POLN: variants seen among roughly 807,000 people sequenced by gnomAD.
POLN encodes DNA polymerase nu.
In POLN, 108 loss-of-function variants were observed where a neutral mutation model predicts 113.5. That is an observed-to-expected ratio of 0.95 (90% CI 0.81 to 1.12). POLN has a LOEUF of 1.12. POLN is among the 50% of genes most tolerant of loss of function. The pLI, the probability that POLN is intolerant of heterozygous loss-of-function variation, is 0.00. For missense variants in POLN, 1,097 were observed against 1,077.1 expected (o/e 1.02, Z -0.26); for synonymous variants, 386 against 391.5 (o/e 0.99, Z 0.17).
At chr4:2,116,171 C>T (rs537025088) in intron 19 of POLN, among the ~76,000 whole-genome samples, 1 of 152,278 alleles carries the variant, frequency 6.6e-6, no homozygotes, top group African/African-American at 2.4e-5. Context: ...TGATGTCTGT[C>T]CCTAGACACT....
intron 7 of POLN, among the ~76,000 whole-genome samples, chr4:2,191,207 G>A (rs9996240): frequency 0.25 from 37,588 of 152,106 alleles, 7,190 homozygotes; most frequent in African/African-American, 0.52. Flanking sequence ...CATGGATGGA[G>A]CTGGAGATCA....
chr4:2,119,593 A>C (rs1332162492), intron 19 of POLN, among the ~76,000 whole-genome samples: 1 of 152,190 alleles, frequency 6.6e-6, no homozygotes, highest in East Asian at 1.9e-4. Flanking sequence ...TATAAGCTTA[A>C]AGGTTTTTCA....
rs1553895661 is a variant in POLN at position 2,121,452 on chromosome 4, A to AATAT, written c.1982+6657_1982+6660dup. Among the ~76,000 whole-genome samples the AATAT allele has an allele frequency of 8.0e-4, 101 of 125,594 alleles. 2 individuals are homozygous for AATAT. Among genetic ancestry groups the AATAT allele is most frequent in the East Asian group, 1.8e-3 (8 of 4,422 alleles). 82.4% of individuals were successfully genotyped at this position (125,594 alleles called of 152,430 possible). ...TCTGTCTCAAAAAAAAAAAAAAAAA[A>AATAT]ATATATATATATATCCAGGGAAGCC... On this transcript the variant is annotated intron_variant, in intron 19 of 25. Transcript: ENST00000511885.
At chr4:2,129,075 A>AT in intron 18 of POLN, 104 bp downstream of exon 18, 1 of 802,614 alleles carries the variant, frequency 1.2e-6, no homozygotes, top group Non-Finnish European at 1.9e-6. Context: ...AAAAAAAAAA[A>AT]AGAATTTATT....
At chr4:2,212,074 C>T (rs1184337712) in intron 4 of POLN, among the ~76,000 whole-genome samples, 2 of 152,162 alleles carry the variant, frequency 1.3e-5, no homozygotes, top group Admixed American at 6.6e-5. Context: ...GTCCTATTAT[C>T]TCACTTTACT....
intron 7 of POLN, among the ~76,000 whole-genome samples, chr4:2,190,729 T>C (rs953612844): frequency 1.3e-5 from 2 of 152,146 alleles, no homozygotes; most frequent in African/African-American, 4.8e-5. Flanking sequence ...TAGACATTTC[T>C]GAAAAGAAGA....
At chr4:2,082,940 G>C (rs1353059676) in intron 21 of POLN, 1 of 152,170 alleles carries the variant, frequency 6.6e-6, no homozygotes, top group Non-Finnish European at 1.5e-5. Context: ...TGTTAGAGTG[G>C]ATTTGGAATA....
rs1373657756 is a variant in POLN at position 2,081,239 on chromosome 4, G to GCA, written c.2309-204_2309-203insTG. 117 of 1,492,914 alleles carry GCA rather than the reference G, an allele frequency of 7.8e-5. No homozygotes were observed. The African/African-American group carries it at 1.1e-3, about 14-fold the overall frequency. The allele number at this position is 1,492,914 out of a possible 1,614,324, so 92.5% of individuals were successfully genotyped here. A position where few individuals can be genotyped will look rare whatever the true frequency, so the allele number is the denominator to read the frequency against. ...GCCCTCTTGCTCCTGCAGGGCACCT[G>GCA]GGTTTTGGGTGCCTTACTCCTGGAG... On this transcript the variant is annotated intron_variant, in intron 22 of 25. Transcript: ENST00000511885.
intron 20 of POLN, 38 bp from the exon 21 acceptor site, chr4:2,085,782 C>T (rs1730536166): frequency 1.2e-6 from 2 of 1,609,744 alleles, no homozygotes; most frequent in Non-Finnish European, 1.7e-6. Context: ...GCCTCACTCA[C>T]ACCAGCCGTG....
chr4:2,149,861 A>G (rs1380667176), intron 16 of POLN, among the ~76,000 whole-genome samples: 1 of 152,138 alleles, frequency 6.6e-6, no homozygotes, highest in Non-Finnish European at 1.5e-5. Flanking sequence ...AGGAGGGCGG[A>G]TCACGAGGTC....
At chr4:2,240,206 A>G (rs757362248) in intron 2 of POLN, 2 of 1,614,010 alleles carry the variant, frequency 1.2e-6, no homozygotes, top group South Asian at 2.2e-5. Flanking sequence ...TATCACAAAT[A>G]GATGGTGTCT....
At chr4:2,157,755 A>AAT (rs1732472358) in intron 15 of POLN, 103 bp downstream of exon 15, 1 of 455,522 alleles carries the variant, frequency 2.2e-6, no homozygotes, top group Non-Finnish European at 3.8e-6. Context: ...AAGAATATTT[A>AAT]GACGATTTCA....
chr4:2,097,137 A>C (rs1220296688), intron 19 of POLN, among the ~76,000 whole-genome samples: 1 of 152,252 alleles, frequency 6.6e-6, no homozygotes, highest in Non-Finnish European at 1.5e-5. Context: ...ACTCTTCTGC[A>C]GCAAGTGGGT....
intron 19 of POLN, among the ~76,000 whole-genome samples, chr4:2,100,076 G>GAAA (rs34515865): frequency 3.6e-5 from 5 of 138,032 alleles, no homozygotes; most frequent in African/African-American, 5.3e-5. Flanking sequence ...TCTCAAAAAA[G>GAAA]AAAAAAAAAG....
intron 19 of POLN, among the ~76,000 whole-genome samples, chr4:2,098,918 GCACACACACACACA>G (rs4031130): frequency 2.0e-5 from 3 of 149,916 alleles, no homozygotes; most frequent in Non-Finnish European, 4.5e-5. Flanking sequence ...ACGTGCGTGC[GCACACACACACACA>G]CACACACACA....
In POLN at chr4:2,159,118, C is replaced by T. The variant is rs534064895; in HGVS notation, c.1611+37G>A. 10 of 1,482,394 alleles carry T rather than the reference C, an allele frequency of 6.7e-6. No individual in the cohort carries two copies. The East Asian group carries it at 1.8e-4, about 27-fold the overall frequency. The allele number at this position is 1,482,394 out of a possible 1,614,324, so 91.8% of individuals were successfully genotyped here. A position where few individuals can be genotyped will look rare whatever the true frequency, so the allele number is the denominator to read the frequency against. ...ACAGGGCCATATGGTTCCCCCTCAT[C>T]ACCTTTTACCTTTTACGTACAAAAA... On this transcript the variant is annotated intron_variant, in intron 14 of 25. Coordinates refer to ENST00000511885, the MANE Select transcript of POLN (RefSeq NM_181808.4).
intron 19 of POLN, among the ~76,000 whole-genome samples, chr4:2,113,793 G>A (rs904094779): frequency 6.6e-6 from 1 of 151,550 alleles, no homozygotes; most frequent in South Asian, 2.1e-4. Context: ...AGGAGGCGGA[G>A]GTTGCAGTGA....
At chr4:2,236,961 T>C (rs568865593) in intron 2 of POLN, among the ~76,000 whole-genome samples, 1 of 151,552 alleles carries the variant, frequency 6.6e-6, no homozygotes, top group Non-Finnish European at 1.5e-5. Flanking sequence ...ACTGTAATAC[T>C]ATTTCAGTAC....
intron 3 of POLN, among the ~76,000 whole-genome samples, chr4:2,224,898 C>T (rs904815278): frequency 1.5e-4 from 23 of 151,592 alleles, no homozygotes; most frequent in African/African-American, 4.6e-4. Context: ...TGCAGTGAGC[C>T]GAGATTGCAC....
Sources: allele counts gnomAD v4.1 joint callset (sites outside exome capture counted in the v4.1 genomes callset), GRCh38; gene constraint gnomAD v4.1.1; transcripts MANE v1.5; gene names NCBI Gene and HGNC (gene_info 2026-07-23, HGNC 2026-07-21).